Variants in VCAN observed in about 807,000 individuals in gnomAD.
VCAN encodes the protein versican, also known as versican core protein.
A neutral mutation model predicts 245.5 loss-of-function variants in VCAN; 44 were observed. The observed-to-expected ratio is 0.18, with a 90% confidence interval of 0.14 to 0.23. The LOEUF is 0.23. Ranked by LOEUF, VCAN falls within the 10% of genes least tolerant of loss-of-function variation. The pLI is 1.00. For missense variants in VCAN, 3,793 were observed against 4,057.9 expected (o/e 0.93, Z 1.77); for synonymous variants, 1,413 against 1,437.0 (o/e 0.98, Z 0.38).
intron 9 of VCAN, among the ~76,000 whole-genome samples, chr5:83,547,596 A>G (rs1195342080): frequency 6.6e-6 from 1 of 152,152 alleles, no homozygotes; most frequent in Non-Finnish European, 1.5e-5. Flanking sequence ...AGAATGAGCC[A>G]TGATTGGAGG....
chr5:83,548,068 T>C lies in VCAN; in HGVS notation c.9477T>C (p.Gly3159=), dbSNP rs1302276361. 8 of 1,613,760 alleles carry C rather than the reference T, an allele frequency of 5.0e-6. No individual in the cohort carries two copies. Among genetic ancestry groups the C allele is most frequent in the Non-Finnish European group, 6.8e-6 (8 of 1,179,684 alleles). ...FRCLCLPSYV[G]ALCEQDTETC... ...GCCTCTGCCTTCCAAGTTATGTTGGTGCACTTTGTGAGCAAGGTAAGAGCT... is the reference window on the plus strand; with the variant it reads ...GCCTCTGCCTTCCAAGTTATGTTGGCGCACTTTGTGAGCAAGGTAAGAGCT... The change falls in exon 10 of 15, where the codon GGT becomes GGC. Residue 3159 remains glycine (G), a synonymous_variant. Transcript: ENST00000265077.
chr5:83,518,158 A>G (rs1047148994), intron 6 of VCAN, among the ~76,000 whole-genome samples: 5 of 152,320 alleles, frequency 3.3e-5, no homozygotes, highest in East Asian at 3.9e-4. Context: ...TAGCAAAACA[A>G]TAACTACAGG....
chr5:83,542,327 A>G, intron 8 of VCAN, 59 bp downstream of exon 8: 3 of 1,530,600 alleles, frequency 2.0e-6, no homozygotes, highest in Non-Finnish European at 2.7e-6. Context: ...CTTGGTGCTA[A>G]CGTTTATATG....
rs1166281531 is a variant in VCAN, at chr5:83,540,045, C to T, written c.7042C>T (p.Pro2348Ser). ...TGGAGCAGAAGGACCCACGGTGGCACCTCTCCCTTTCTCCACGGACATCGG... is the reference window on the plus strand; with the variant it reads ...TGGAGCAGAAGGACCCACGGTGGCATCTCTCCCTTTCTCCACGGACATCGG... ...DTGAEGPTVAPLPFSTDIGHP... is the reference protein window; with the variant it reads ...DTGAEGPTVASLPFSTDIGHP... The change falls in exon 8 of 15, where the codon CCT (proline) becomes TCT (serine). Residue 2348 changes from proline to serine, a missense_variant. By Grantham distance (74) the Pro-to-Ser change is moderately conservative. Transcript: ENST00000265077. 6.2e-7 allele frequency: 1 copy of T among 1,614,014 alleles called. No individual in the cohort carries two copies. The highest frequency in any genetic ancestry group is 8.5e-7 in the Non-Finnish European group (1 of 1,179,982).
At position 83,540,908 on chromosome 5, in the gene VCAN, A is replaced by G; in HGVS notation, c.7905A>G (p.Thr2635=). The change falls in exon 8 of 15, where the codon ACA becomes ACG. Residue 2635 remains threonine, a synonymous_variant. Coordinates refer to ENST00000265077, the MANE Select transcript of VCAN (RefSeq NM_004385.5). ...AAVNLSLTEE[T]FEGSADVLAS... ...TCAACCTTTCTTTAACTGAGGAAAC[A>G]TTTGAGGGCTCTGCTGATGTTCTGG... 6.2e-7 allele frequency: 1 copy of G among 1,614,026 alleles called. No homozygotes were observed. Among genetic ancestry groups the G allele is most frequent in the Non-Finnish European group, 8.5e-7 (1 of 1,179,998 alleles).
Position 83,539,167 on chromosome 5 carries a change from A to G in VCAN, c.6164A>G (p.Asp2055Gly), listed in dbSNP as rs763563264. 1.2e-6 allele frequency: 2 copies of G among 1,614,010 alleles called. No homozygotes were observed. Among genetic ancestry groups the G allele is most frequent in the South Asian group, 1.1e-5 (1 of 91,082 alleles). ...GAAGTGGGTACTGTCAATGAAATTG[A>G]TAGAAGATCCACCATTTTACCAACA... ...LGEVGTVNEI[D>G]RRSTILPTAE... Residue 2055 changes from aspartate to glycine, a missense_variant, in exon 8 of 15, where the codon GAT becomes GGT. By Grantham distance (94) the Asp-to-Gly change is moderately conservative (BLOSUM62 -1). Coordinates refer to ENST00000265077, the MANE Select transcript of VCAN (RefSeq NM_004385.5).
At chr5:83,527,967 G>A (rs907247668) in intron 7 of VCAN, among the ~76,000 whole-genome samples, 2 of 152,162 alleles carry the variant, frequency 1.3e-5, no homozygotes, top group Admixed American at 6.6e-5. Context: ...CAGTTACCTC[G>A]AGAGAGACCC....
rs1311622737 is a variant in VCAN at position 83,519,409 on chromosome 5, C to T, written c.1103C>T (p.Ser368Phe). Residue 368 changes from serine (S) to phenylalanine (F), a missense_variant, in exon 7 of 15, where the codon TCC (serine) becomes TTC (phenylalanine). Coordinates refer to ENST00000265077, the MANE Select transcript of VCAN (RefSeq NM_004385.5). ...ILAETASPSL[S>F]KEPQMVSDRT... Reference sequence around the variant, plus strand: ...GCAGAAACTGCATCACCCAGTTTATCCAAAGAACCACAAATGGTTTCTGAT... The same window carrying T: ...GCAGAAACTGCATCACCCAGTTTATTCAAAGAACCACAAATGGTTTCTGAT... The T allele has an allele frequency of 6.2e-7, 1 of 1,614,096 alleles. No homozygotes were observed. The highest frequency in any genetic ancestry group is 8.5e-7 in the Non-Finnish European group (1 of 1,179,930).
intron 10 of VCAN, among the ~76,000 whole-genome samples, chr5:83,550,231 A>G (rs1461820032): frequency 1.3e-5 from 2 of 152,118 alleles, no homozygotes; most frequent in Non-Finnish European, 2.9e-5. Flanking sequence ...AAAAGAATAA[A>G]TTTTTGGTGA....
chr5:83,532,709 G>T (rs1318155449), intron 7 of VCAN, among the ~76,000 whole-genome samples: 1 of 151,570 alleles, frequency 6.6e-6, no homozygotes, highest in Non-Finnish European at 1.5e-5. Context: ...TCAACAACCT[G>T]TCTAAAAAAA....
intron 12 of VCAN, among the ~76,000 whole-genome samples, chr5:83,556,647 T>G (rs570286390): frequency 2.0e-5 from 3 of 152,288 alleles, no homozygotes; most frequent in Admixed American, 2.0e-4. Flanking sequence ...TGTTGCCTCT[T>G]TATGTTTTCA....
Position 83,571,524 on chromosome 5 carries a change from T to C in VCAN, c.9736-892T>C, listed in dbSNP as rs528465812. On this transcript the variant is annotated intron_variant, in intron 12 of 14. Transcript: ENST00000265077. Reference sequence around the variant, plus strand: ...CATATGATGGAAGGCAAAAGATATTTTCAATTGTATATTATTGCTCAGAGT... The same window carrying C: ...CATATGATGGAAGGCAAAAGATATTCTCAATTGTATATTATTGCTCAGAGT... Among the ~76,000 whole-genome samples the C allele has an allele frequency of 2.6e-5, 4 of 152,212 alleles. No individual in the cohort carries two copies. The South Asian group carries it at 8.3e-4, about 32-fold the overall frequency.
rs1162195038 is a variant in VCAN at position 83,537,094 on chromosome 5, T to C, written c.4091T>C (p.Val1364Ala). 1 of 1,613,712 alleles carries C rather than the reference T, an allele frequency of 6.2e-7. No individual in the cohort carries two copies. The highest frequency in any genetic ancestry group is 1.3e-5 in the African/African-American group (1 of 74,884). The change falls in exon 8 of 15, where the codon GTG (valine) becomes GCG (alanine). Residue 1364 changes from valine (V) to alanine (A), a missense_variant. Val to Ala is a moderately conservative substitution (Grantham distance 64, BLOSUM62 0). Coordinates refer to ENST00000265077, the MANE Select transcript of VCAN (RefSeq NM_004385.5). ...CCTTGTAGTGAAGAAACAGATCCAG[T>C]GCATGATCTAATGGCTGAAATTTTA... is the stretch of plus-strand genomic sequence containing the variant. Reference protein sequence around the residue: ...DEPCSEETDPVHDLMAEILPE... With the variant: ...DEPCSEETDPAHDLMAEILPE...
At chr5:83,544,352 T>G (rs959583309) in intron 8 of VCAN, among the ~76,000 whole-genome samples, 2 of 152,234 alleles carry the variant, frequency 1.3e-5, no homozygotes, top group Admixed American at 1.3e-4. Context: ...TGTGTACCTA[T>G]CCAGGTTTAT....
At chr5:83,519,253 C>A in intron 6 of VCAN, 96 bp from the exon 7 acceptor site, 1 of 1,309,692 alleles carries the variant, frequency 7.6e-7, no homozygotes, top group South Asian at 1.4e-5. Context: ...CCCAAAAATA[C>A]TCCCTACAAA....
chr5:83,499,439 G>T (rs947776428), intron 5 of VCAN, among the ~76,000 whole-genome samples: 1 of 151,910 alleles, frequency 6.6e-6, no homozygotes, highest in Non-Finnish European at 1.5e-5. Context: ...TCCAACCTTT[G>T]TCTCTTCTGG....
intron 5 of VCAN, among the ~76,000 whole-genome samples, chr5:83,497,566 T>C (rs1030113398): frequency 2.0e-5 from 3 of 152,220 alleles, no homozygotes; most frequent in Non-Finnish European, 4.4e-5. Flanking sequence ...TTATGATGGC[T>C]TATTAGAGAT....
chr5:83,497,781 C>T (rs11948691), intron 5 of VCAN, among the ~76,000 whole-genome samples: 2,952 of 152,084 alleles, frequency 0.019, 95 homozygotes, highest in African/African-American at 0.068. Flanking sequence ...GGTAAAGGAT[C>T]GGAATTATTT....
In VCAN at chr5:83,539,863, C is replaced by T. The variant is rs1432507638; in HGVS notation, c.6860C>T (p.Thr2287Ile). Residue 2287 changes from threonine to isoleucine, a missense_variant, in exon 8 of 15, where the codon ACT becomes ATT. Coordinates refer to ENST00000265077, the MANE Select transcript of VCAN (RefSeq NM_004385.5). ...EQINNTLYPH[T>I]SQVESTSSDK... Reference sequence around the variant, plus strand: ...ATCAATAACACATTATATCCCCACACTTCTCAAGTGGAAAGTACCTCAAGT... The same window carrying T: ...ATCAATAACACATTATATCCCCACATTTCTCAAGTGGAAAGTACCTCAAGT... 4 of 1,613,966 alleles carry T rather than the reference C, an allele frequency of 2.5e-6. No individual in the cohort carries two copies. In the African/African-American group the frequency reaches 4.0e-5, roughly 16 times the overall value.
Sources: gnomAD v4.1 joint callset for allele counts (sites outside exome capture counted in the v4.1 genomes callset) on GRCh38, gnomAD v4.1.1 for gene constraint, MANE v1.5 for transcripts, NCBI Gene and HGNC (gene_info 2026-07-23, HGNC 2026-07-21) for gene names.